The following XRRA1 variants were observed in gnomAD, a reference collection of about 807,000 sequenced individuals.
The protein encoded by XRRA1 is X-ray radiation resistance associated 1, also known as X-ray radiation resistance-associated protein 1.
In XRRA1, 69 loss-of-function variants were observed where a neutral mutation model predicts 80.2. The ratio of observed to expected loss-of-function variants is 0.86; its 90% CI spans 0.71 to 1.05. The LOEUF is 1.05. Among genes scored for constraint, XRRA1 ranks in the 50% least tolerant of loss-of-function variants. The pLI is 0.00. For missense variants in XRRA1, 967 were observed against 976.4 expected, an observed-to-expected ratio of 0.99 and a Z score of 0.13; for synonymous variants, 348 against 389.9, an observed-to-expected ratio of 0.89 and a Z score of 1.27.
intron 10 of XRRA1, among the ~76,000 whole-genome samples, chr11:74,885,896 A>C (rs890668957): frequency 6.6e-6 from 1 of 152,178 alleles, no homozygotes; most frequent in Non-Finnish European, 1.5e-5. Context: ...CTGGGATGCA[A>C]GGTTGGTTCA....
At chr11:74,875,304 A>C (rs893688162) in intron 10 of XRRA1, among the ~76,000 whole-genome samples, 1 of 152,128 alleles carries the variant, frequency 6.6e-6, no homozygotes, top group African/African-American at 2.4e-5. Flanking sequence ...AGCCCCCTCT[A>C]ATCTGGGAAG....
At chr11:74,869,536 T>TC (rs761648780) in intron 10 of XRRA1, among the ~76,000 whole-genome samples, 79 of 152,202 alleles carry the variant, frequency 5.2e-4, no homozygotes, top group Non-Finnish European at 9.6e-4. Context: ...GCCAGGCATG[T>TC]CCAACATGGA....
intron 10 of XRRA1, among the ~76,000 whole-genome samples, chr11:74,895,499 CAA>C (rs953637079): frequency 2.0e-5 from 3 of 152,174 alleles, no homozygotes; most frequent in Non-Finnish European, 4.4e-5. Flanking sequence ...ATCTAGGACA[CAA>C]GAGCTGTAAT....
chr11:74,871,562 A>G (rs900780244), intron 10 of XRRA1, among the ~76,000 whole-genome samples: 2 of 152,202 alleles, frequency 1.3e-5, no homozygotes, highest in Non-Finnish European at 2.9e-5. Context: ...CCAAAAGGTA[A>G]TGATTCCCCA....
At chr11:74,896,605 T>C (rs2052379101) in intron 10 of XRRA1, among the ~76,000 whole-genome samples, 1 of 152,100 alleles carries the variant, frequency 6.6e-6, no homozygotes, top group Non-Finnish European at 1.5e-5. Context: ...CTTGCCAACC[T>C]GAAGGGAAGG....
intron 10 of XRRA1, among the ~76,000 whole-genome samples, chr11:74,864,593 G>C (rs146171299): frequency 5.1e-4 from 77 of 152,276 alleles, no homozygotes; most frequent in Non-Finnish European, 8.8e-4. Context: ...GGCTTCCAAG[G>C]TCCTGGGCTA....
At chr11:74,873,456 C>T (rs943212575) in intron 10 of XRRA1, among the ~76,000 whole-genome samples, 11 of 152,120 alleles carry the variant, frequency 7.2e-5, no homozygotes, top group African/African-American at 1.4e-4. Flanking sequence ...TTCTATATAG[C>T]GTTACATCCT....
In XRRA1 at chr11:74,843,457, C is replaced by T; in HGVS notation, c.2150-4G>A. The T allele has an allele frequency of 4.3e-6, 7 of 1,610,088 alleles. No homozygotes were observed. The highest frequency in any genetic ancestry group is 2.2e-5 in the East Asian group (1 of 44,716). On this transcript the variant is annotated splice_region_variant and splice_polypyrimidine_tract_variant and intron_variant, in intron 18 of 18. Coordinates refer to ENST00000684022, the MANE Select transcript of XRRA1 (RefSeq NM_001378157.1). ...GTCCACTGGTGCAGGACAGCACCTG[C>T]AGGAAAAGAAGCCAGGAGAGGCACC...
chr11:74,936,959 C>T lies in XRRA1; in HGVS notation c.204G>A (p.Glu68=), dbSNP rs1945145254. 1.2e-6 allele frequency: 2 copies of T among 1,613,886 alleles called. No individual in the cohort carries two copies. Among genetic ancestry groups the T allele is most frequent in the Non-Finnish European group, 1.7e-6 (2 of 1,179,870 alleles). ...GCCGAGACTCTTTCTTCCCCTTGAA[C>T]TCAAAAGAAGTCGCCTTCAGGCTTT... The part of the protein sequence containing the change: ...RRESLKATSF[E]FKGKKESRRE... The change falls in exon 4 of 19, where the codon GAG becomes GAA. Residue 68 remains glutamate (E), a synonymous_variant. Coordinates refer to ENST00000684022, the MANE Select transcript of XRRA1 (RefSeq NM_001378157.1).
At chr11:74,884,273 A>C in intron 10 of XRRA1, among the ~76,000 whole-genome samples, 1 of 152,232 alleles carries the variant, frequency 6.6e-6, no homozygotes, top group East Asian at 1.9e-4. Context: ...CTGTGTCAAT[A>C]GAAAAGGGCT....
At chr11:74,909,123 T>A (rs545762159) in intron 8 of XRRA1, among the ~76,000 whole-genome samples, 6 of 152,170 alleles carry the variant, frequency 3.9e-5, no homozygotes, top group Non-Finnish European at 5.9e-5. Flanking sequence ...CTTCTATAGA[T>A]TATGACAGTT....
At chr11:74,866,980 C>G (rs149170878) in intron 10 of XRRA1, among the ~76,000 whole-genome samples, 2 of 152,144 alleles carry the variant, frequency 1.3e-5, no homozygotes, top group African/African-American at 4.8e-5. Context: ...TGGGTGTGCA[C>G]GTACCCCACC....
intron 10 of XRRA1, 99 bp downstream of exon 10, chr11:74,906,140 G>A (rs193139101): frequency 7.1e-6 from 8 of 1,125,428 alleles, no homozygotes; most frequent in Non-Finnish European, 8.8e-6. Context: ...AATTCAATTC[G>A]TGATATTCAC....
At position 74,860,356 on chromosome 11, in the gene XRRA1, A is replaced by G. The variant is rs146151326; in HGVS notation, c.1045-1073T>C. Reference sequence around the variant, plus strand: ...GTCTGATAAGGCAGTATCCTCCACTATGTAATTCCCTACTTGGAGCAAGGC... The same window carrying G: ...GTCTGATAAGGCAGTATCCTCCACTGTGTAATTCCCTACTTGGAGCAAGGC... On this transcript the variant is annotated intron_variant, in intron 11 of 18. Coordinates refer to ENST00000684022, the MANE Select transcript of XRRA1 (RefSeq NM_001378157.1). 6.8e-4 allele frequency among the ~76,000 whole-genome samples: 104 copies of G among 152,318 alleles called. 1 individual carries two copies. The East Asian group carries it at 0.016, about 24-fold the overall frequency.
At chr11:74,936,382 C>A (rs111558086) in intron 4 of XRRA1, among the ~76,000 whole-genome samples, 2 of 152,356 alleles carry the variant, frequency 1.3e-5, no homozygotes, top group African/African-American at 4.8e-5. Context: ...CAGTCCCACT[C>A]AATCCTGTAG....
Position 74,903,472 on chromosome 11 carries a change from G to C in XRRA1, c.1003+2767C>G, listed in dbSNP as rs1363437310. ...TAATCCCAACACTTTGGGAGGCTGA[G>C]GCAGGCAGATCATGAGGTCAGGAGA... On this transcript the variant is annotated intron_variant, in intron 10 of 18. Transcript: ENST00000684022. Among the ~76,000 whole-genome samples the C allele has an allele frequency of 2.0e-5, 3 of 152,226 alleles. No homozygotes were observed. In the East Asian group the frequency reaches 5.8e-4, roughly 29 times the overall value.
chr11:74,856,163 T>G (rs1174938150), intron 12 of XRRA1, among the ~76,000 whole-genome samples: 1 of 152,172 alleles, frequency 6.6e-6, no homozygotes. Flanking sequence ...CATTCATTCA[T>G]CTAACAAACT....
intron 11 of XRRA1, among the ~76,000 whole-genome samples, chr11:74,861,334 C>T (rs2135927698): frequency 6.6e-6 from 1 of 152,340 alleles, no homozygotes; most frequent in South Asian, 2.1e-4. Context: ...TACAGCCACT[C>T]CCCGTTGCTC....
rs140304791 is a variant in XRRA1 at position 74,854,919 on chromosome 11, G to A, written c.1171-2837C>T. On this transcript the variant is annotated intron_variant, in intron 12 of 18. Coordinates refer to ENST00000684022, the MANE Select transcript of XRRA1 (RefSeq NM_001378157.1). ...ACAAAAATCAGCTGAGTGTGCTGGC[G>A]GGTGCCTGTAATCCCAGCTCCTCGG... Among the ~76,000 whole-genome samples the A allele has an allele frequency of 4.5e-3, 689 of 152,090 alleles. 3 individuals are homozygous for A. The highest frequency in any genetic ancestry group is 0.016 in the African/African-American group (657 of 41,484).
Sources: gnomAD v4.1 joint callset for allele counts (sites outside exome capture counted in the v4.1 genomes callset) on GRCh38, gnomAD v4.1.1 for gene constraint, MANE v1.5 for transcripts, NCBI Gene and HGNC (gene_info 2026-07-23, HGNC 2026-07-21) for gene names.